MYPN: variants seen among roughly 807,000 people sequenced by gnomAD.
MYPN encodes the protein sarcomeric protein myopalladin, 145 kDa (MYOP).
Under a neutral mutation model 129.4 loss-of-function variants are expected in MYPN, and 63 were observed. That is an observed-to-expected ratio of 0.49 (90% CI 0.40 to 0.60). The LOEUF (loss-of-function observed/expected upper bound fraction) is 0.60, where lower values mean the gene tolerates loss of function less well. Among genes scored for constraint, MYPN ranks in the 20% least tolerant of loss-of-function variants. MYPN has a pLI of 0.00. For synonymous variants in MYPN, 629 were observed against 600.9 expected, an observed-to-expected ratio of 1.05 and a Z score of -0.68; for missense variants, 1,596 against 1,635.4, an observed-to-expected ratio of 0.98 and a Z score of 0.42.
chr10:68,136,111 A>G, intron 2 of MYPN: 1 of 428,212 alleles, frequency 2.3e-6, no homozygotes, highest in Non-Finnish European at 3.1e-6. Flanking sequence ...CATATTTTAG[A>G]ATAAATAGTA....
chr10:68,166,624 C>G lies in MYPN; in HGVS notation c.1931C>G (p.Ser644Cys). Residue 644 changes from serine to cysteine, a missense_variant, in exon 10 of 20, where the codon TCC (serine) becomes TGC (cysteine). Ser to Cys is a moderately radical substitution (Grantham distance 112). Coordinates refer to ENST00000358913, the MANE Select transcript of MYPN (RefSeq NM_032578.4). The part of the protein sequence containing the change: ...GQATKTPEPS[S>C]PVKEPPPVLA... ...GCAACAAAAACCCCAGAGCCTTCTTCCCCCGTGAAAGAGCCCCCTCCAGTT... is the reference window on the plus strand; with the variant it reads ...GCAACAAAAACCCCAGAGCCTTCTTGCCCCGTGAAAGAGCCCCCTCCAGTT... 6.2e-7 allele frequency: 1 copy of G among 1,614,070 alleles called. No individual in the cohort carries two copies. Among genetic ancestry groups the G allele is most frequent in the South Asian group, 1.1e-5 (1 of 91,072 alleles).
At position 68,194,475 on chromosome 10, in the gene MYPN, A is replaced by G. The variant is rs776609419; in HGVS notation, c.3038A>G (p.Asp1013Gly). 1.2e-6 allele frequency: 2 copies of G among 1,613,918 alleles called. No homozygotes were observed. Among genetic ancestry groups the G allele is most frequent in the Non-Finnish European group, 1.7e-6 (2 of 1,179,886 alleles). Residue 1013 changes from aspartate to glycine, a missense_variant, in exon 14 of 20, where the codon GAC (aspartate) becomes GGC (glycine). By Grantham distance (94) the Asp-to-Gly change is moderately conservative. Coordinates refer to ENST00000358913, the MANE Select transcript of MYPN (RefSeq NM_032578.4). The stretch of plus-strand genomic sequence containing the variant: ...CACATTGAATCCACTACCAGTGATG[A>G]CGATGGCAACTACACCATCATGGCA... ...SLHIESTTSD[D>G]DGNYTIMAAN...
intron 2 of MYPN, among the ~76,000 whole-genome samples, chr10:68,138,206 G>A (rs1411516076): frequency 6.6e-6 from 1 of 150,962 alleles, no homozygotes; most frequent in African/African-American, 2.4e-5. Flanking sequence ...GGGTTCAAGC[G>A]ATTCTCCTTC....
At chr10:68,191,152 G>A (rs2894061) in intron 13 of MYPN, among the ~76,000 whole-genome samples, 31,483 of 151,498 alleles carry the variant, frequency 0.21, 3,656 homozygotes, top group Middle Eastern at 0.33. Context: ...TTTGCTCAGG[G>A]TTGTTTTGGC....
intron 1 of MYPN, among the ~76,000 whole-genome samples, chr10:68,111,737 G>A (rs2042084742): frequency 6.6e-6 from 1 of 152,192 alleles, no homozygotes; most frequent in Non-Finnish European, 1.5e-5. Context: ...TATAACCAGA[G>A]TCACCTTGAC....
chr10:68,107,727 C>T (rs1429064331), upstream of MYPN, among the ~76,000 whole-genome samples: 1 of 152,122 alleles, frequency 6.6e-6, no homozygotes, highest in Non-Finnish European at 1.5e-5. Flanking sequence ...AATTTCACTG[C>T]CCAACCAGCT....
intron 1 of MYPN, among the ~76,000 whole-genome samples, chr10:68,111,454 A>G (rs2042080566): frequency 6.6e-6 from 1 of 152,164 alleles, no homozygotes; most frequent in Non-Finnish European, 1.5e-5. Flanking sequence ...GGTGTTAGAT[A>G]ACAAGATAGA....
chr10:68,117,960 G>C (rs1426597034), intron 1 of MYPN, among the ~76,000 whole-genome samples: 5 of 151,846 alleles, frequency 3.3e-5, no homozygotes, highest in African/African-American at 1.2e-4. Flanking sequence ...GTTTATACGA[G>C]GATATTAGGA....
intron 1 of MYPN, 68 bp from the exon 2 acceptor site, chr10:68,121,370 A>G (rs1406949523): frequency 4.3e-6 from 6 of 1,393,580 alleles, no homozygotes; most frequent in South Asian, 1.3e-5. Flanking sequence ...CTGCAGTGCT[A>G]TAATAGACAT....
chr10:68,127,684 G>C (rs533924511), intron 2 of MYPN, among the ~76,000 whole-genome samples: 1 of 152,202 alleles, frequency 6.6e-6, no homozygotes, highest in Admixed American at 6.5e-5. Flanking sequence ...GTTTTGAAGA[G>C]GGGTGGGGTA....
intron 2 of MYPN, among the ~76,000 whole-genome samples, chr10:68,140,483 G>A (rs11598219): frequency 0.46 from 69,084 of 151,534 alleles, 16,615 homozygotes; most frequent in South Asian, 0.58. Context: ...TGTATAATCA[G>A]GTATTTGCAT....
intron 12 of MYPN, among the ~76,000 whole-genome samples, chr10:68,176,034 C>T (rs2043222786): frequency 6.6e-6 from 1 of 152,170 alleles, no homozygotes; most frequent in African/African-American, 2.4e-5. Context: ...TAAGACACCA[C>T]ACCCAGCCTA....
chr10:68,160,438 A>AC (rs1243040944), intron 7 of MYPN, among the ~76,000 whole-genome samples: 1 of 150,304 alleles, frequency 6.7e-6, no homozygotes, highest in Non-Finnish European at 1.5e-5. Context: ...TCAAAAAAAA[A>AC]AAAAAAAAAA....
intron 11 of MYPN, among the ~76,000 whole-genome samples, chr10:68,175,069 G>A (rs570699163): frequency 6.6e-6 from 1 of 152,010 alleles, no homozygotes; most frequent in Non-Finnish European, 1.5e-5. Context: ...CCAAGAGGCG[G>A]AGGTTGCAGT....
chr10:68,156,526 GACC>G, intron 6 of MYPN, among the ~76,000 whole-genome samples: 1 of 152,150 alleles, frequency 6.6e-6, no homozygotes, highest in East Asian at 1.9e-4. Flanking sequence ...ACAAATTTGG[GACC>G]TCAGAAAGAA....
chr10:68,128,458 A>G (rs2042358827), intron 2 of MYPN, among the ~76,000 whole-genome samples: 1 of 152,218 alleles, frequency 6.6e-6, no homozygotes, highest in Admixed American at 6.5e-5. Flanking sequence ...CACTATTTAG[A>G]GGCTTTTTCT....
chr10:68,199,325 C>A (rs914504548), intron 16 of MYPN, 43 bp from the exon 17 acceptor site: 20 of 1,577,504 alleles, frequency 1.3e-5, no homozygotes, highest in East Asian at 2.2e-5. Flanking sequence ...AATAAATGTG[C>A]CTGTCATCAG....
At chr10:68,188,084 A>G (rs1056301234) in intron 12 of MYPN, among the ~76,000 whole-genome samples, 42 of 152,116 alleles carry the variant, frequency 2.8e-4, no homozygotes, top group African/African-American at 9.4e-4. Context: ...GAAAGCAGAC[A>G]TGGGGTTAAG....
intron 1 of MYPN, among the ~76,000 whole-genome samples, chr10:68,112,203 T>G (rs1432535623): frequency 6.6e-6 from 1 of 152,186 alleles, no homozygotes; most frequent in East Asian, 1.9e-4. Flanking sequence ...TCTTGAAGTC[T>G]TCTTGATTGC....
Sources: gnomAD v4.1 joint callset for allele counts (sites outside exome capture counted in the v4.1 genomes callset) on GRCh38, gnomAD v4.1.1 for gene constraint, MANE v1.5 for transcripts, NCBI Gene and HGNC (gene_info 2026-07-23, HGNC 2026-07-21) for gene names.